Variants in STX7 observed in about 807,000 individuals in gnomAD.
The protein encoded by STX7 is syntaxin 7, also known as syntaxin-7.
STX7 carries 34 observed loss-of-function variants against 39.6 expected under a neutral mutation model. The observed-to-expected ratio is 0.86, with a 90% confidence interval of 0.65 to 1.14. The LOEUF is 1.14. Ranked by LOEUF, STX7 falls within the 50% of genes most tolerant of loss-of-function variation. The pLI, the probability that STX7 is intolerant of heterozygous loss-of-function variation, is 0.00. For synonymous variants in STX7, 119 were observed against 99.1 expected (o/e 1.20, Z -1.19); for missense variants, 284 against 310.4 (o/e 0.92, Z 0.64).
chr6:132,497,950 A>G (rs1159331028), intron 2 of STX7, among the ~76,000 whole-genome samples: 6 of 152,224 alleles, frequency 3.9e-5, no homozygotes, highest in Admixed American at 3.3e-4. Flanking sequence ...GACCTGTGAT[A>G]ACAAACGATT....
At chr6:132,502,020 T>C (rs1475784751) in intron 2 of STX7, among the ~76,000 whole-genome samples, 4 of 152,226 alleles carry the variant, frequency 2.6e-5, no homozygotes. Context: ...CAGTCCCTGC[T>C]GTGGACAACG....
chr6:132,471,511 C>T lies in STX7; in HGVS notation c.339G>A (p.Glu113=), dbSNP rs377238363. 2.3e-4 allele frequency: 379 copies of T among 1,613,932 alleles called. No homozygotes were observed. The highest frequency in any genetic ancestry group is 3.1e-4 in the Non-Finnish European group (364 of 1,179,946). ...CTCGAGCAACAAACTCTTTCTCTCG[C>T]TCAGCAGCCTGCCTCTGGACCTTCT... The part of the protein sequence containing the change: ...NFQKVQRQAA[E]REKEFVARVR... The change falls in exon 5 of 10, where the codon GAG becomes GAA. Residue 113 remains glutamate, a synonymous_variant. Transcript: ENST00000367941.
chr6:132,483,438 A>T (rs1176253687), intron 2 of STX7, among the ~76,000 whole-genome samples: 1 of 152,198 alleles, frequency 6.6e-6, no homozygotes, highest in Non-Finnish European at 1.5e-5. Flanking sequence ...TCTATCTAGT[A>T]AAATATTTAA....
chr6:132,469,047 T>C (rs1562323296), intron 7 of STX7, among the ~76,000 whole-genome samples: 3 of 152,226 alleles, frequency 2.0e-5, no homozygotes, highest in Non-Finnish European at 4.4e-5. Flanking sequence ...AACTGCTTCA[T>C]AAAGTTTTTA....
At chr6:132,491,416 A>T (rs74387946) in intron 2 of STX7, among the ~76,000 whole-genome samples, 1 of 151,970 alleles carries the variant, frequency 6.6e-6, no homozygotes, top group African/African-American at 2.4e-5. Context: ...AAAAATAAAG[A>T]CCCCATGACA....
intron 1 of STX7, among the ~76,000 whole-genome samples, chr6:132,512,112 C>T (rs1775860280): frequency 6.6e-6 from 1 of 151,700 alleles, no homozygotes; most frequent in African/African-American, 2.4e-5. Flanking sequence ...GCTCAGAGAA[C>T]CTGCAGAAGA....
intron 9 of STX7, among the ~76,000 whole-genome samples, chr6:132,463,063 A>G (rs1477464086): frequency 1.3e-5 from 2 of 152,100 alleles, no homozygotes; most frequent in African/African-American, 4.8e-5. Context: ...CTCTACAAAA[A>G]ATACAAAAAT....
At chr6:132,479,290 A>G (rs2114403339) in intron 2 of STX7, among the ~76,000 whole-genome samples, 1 of 152,218 alleles carries the variant, frequency 6.6e-6, no homozygotes, top group East Asian at 1.9e-4. Flanking sequence ...TGGTGGTATA[A>G]GCAGATCTAC....
chr6:132,477,436 A>G (rs1178090597), intron 2 of STX7, among the ~76,000 whole-genome samples: 1 of 152,152 alleles, frequency 6.6e-6, no homozygotes, highest in East Asian at 1.9e-4. Flanking sequence ...GAAAAAATAA[A>G]TTATTTAATA....
At chr6:132,503,159 T>C (rs1001620996) in intron 2 of STX7, among the ~76,000 whole-genome samples, 6 of 152,228 alleles carry the variant, frequency 3.9e-5, no homozygotes, top group African/African-American at 1.2e-4. Flanking sequence ...TAGAACCAGA[T>C]AGCTTTAAAG....
rs141668783 is a variant in STX7, at chr6:132,481,876, A to G, written c.86-6214T>C. On this transcript the variant is annotated intron_variant, in intron 2 of 9. Transcript: ENST00000367941. ...TCCAAAAAGCTGTAATGAAGGTGGC[A>G]TTTGTAATGGTTTGAAGGGTAAGAA... Among the ~76,000 whole-genome samples, 150 of 152,344 alleles carry G rather than the reference A, an allele frequency of 9.8e-4. 2 individuals carry two copies. Among genetic ancestry groups the G allele is most frequent in the African/African-American group, 3.4e-3 (142 of 41,582 alleles).
At position 132,486,745 on chromosome 6, in the gene STX7, G is replaced by A. The variant is rs1775143703; in HGVS notation, c.86-11083C>T. On this transcript the variant is annotated intron_variant, in intron 2 of 9. Coordinates refer to ENST00000367941, the MANE Select transcript of STX7 (RefSeq NM_003569.3). ...GCAGTGGCGTGACCTCAGCTTACTG[G>A]AACCTCCTGCTGCCAGTTCAAGCGA... 4.1e-5 allele frequency among the ~76,000 whole-genome samples: 6 copies of A among 147,536 alleles called. No individual in the cohort carries two copies. In the Admixed American group the frequency reaches 4.2e-4, roughly 10 times the overall value.
chr6:132,504,854 C>T, intron 1 of STX7, among the ~76,000 whole-genome samples: 1 of 152,172 alleles, frequency 6.6e-6, no homozygotes, highest in East Asian at 1.9e-4. Flanking sequence ...GATTTGGATG[C>T]TTGGTTATGA....
intron 3 of STX7, among the ~76,000 whole-genome samples, chr6:132,472,912 C>T (rs1774769762): frequency 6.6e-6 from 1 of 152,178 alleles, no homozygotes; most frequent in African/African-American, 2.4e-5. Context: ...CATCCCAACA[C>T]TTTGAGAGGC....
chr6:132,478,422 TACTG>T (rs1219118782), intron 2 of STX7, among the ~76,000 whole-genome samples: 1 of 152,142 alleles, frequency 6.6e-6, no homozygotes, highest in Non-Finnish European at 1.5e-5. Flanking sequence ...TGAACAGATA[TACTG>T]AGCAACCCCC....
chr6:132,485,970 T>C (rs1051027605), intron 2 of STX7, among the ~76,000 whole-genome samples: 1 of 152,232 alleles, frequency 6.6e-6, no homozygotes. Context: ...TTTGATGTTA[T>C]TGTAAATGCC....
chr6:132,464,455 A>G (rs1237120450), intron 8 of STX7, among the ~76,000 whole-genome samples: 2 of 152,168 alleles, frequency 1.3e-5, no homozygotes, highest in Admixed American at 1.3e-4. Context: ...TGCACAAGAG[A>G]TCAACTCTCT....
At position 132,461,805 on chromosome 6, in the gene STX7, T is replaced by C. The variant is rs1035724927; in HGVS notation, c.694-955A>G. Reference sequence around the variant, plus strand: ...GTTCCGTTCTTCATTCCTGGTTCAGTTGTAGATTTCTTTAATGGCGTTTGT... The same window carrying C: ...GTTCCGTTCTTCATTCCTGGTTCAGCTGTAGATTTCTTTAATGGCGTTTGT... On this transcript the variant is annotated intron_variant, in intron 9 of 9. Transcript: ENST00000367941. 29 of 1,522,826 alleles carry C rather than the reference T, an allele frequency of 1.9e-5. No individual in the cohort carries two copies. The African/African-American group carries it at 2.3e-4, about 12-fold the overall frequency. The allele number at this position is 1,522,826 out of a possible 1,614,324, so 94.3% of individuals were successfully genotyped here.
chr6:132,509,505 A>AAACT (rs1775793822), intron 1 of STX7, among the ~76,000 whole-genome samples: 1 of 139,322 alleles, frequency 7.2e-6, no homozygotes. Context: ...AACATAACAT[A>AAACT]ACATAACATA....
Sources: gnomAD v4.1 joint callset for allele counts (sites outside exome capture counted in the v4.1 genomes callset) on GRCh38, gnomAD v4.1.1 for gene constraint, MANE v1.5 for transcripts, NCBI Gene and HGNC (gene_info 2026-07-23, HGNC 2026-07-21) for gene names.